MTUS2: variants seen among roughly 807,000 people sequenced by gnomAD.
MTUS2 encodes microtubule-associated tumor suppressor candidate 2.
A neutral mutation model predicts 114.1 loss-of-function variants in MTUS2; 40 were observed. The observed-to-expected ratio is 0.35, with a 90% CI of 0.27 to 0.46. The LOEUF is 0.46. Among genes scored for constraint, MTUS2 ranks in the 20% least tolerant of loss-of-function variants. MTUS2 has a pLI of 1.00. For synonymous variants in MTUS2, 688 were observed against 672.0 expected (o/e 1.02, Z -0.37); for missense variants, 1,679 against 1,705.4 (o/e 0.98, Z 0.27).
chr13:29,148,819 A>G (rs1195346789), intron 5 of MTUS2, among the ~76,000 whole-genome samples: 1 of 151,632 alleles, frequency 6.6e-6, no homozygotes, highest in African/African-American at 2.4e-5. Context: ...TGCTGAGGAT[A>G]ATGGCTTCTA....
intron 2 of MTUS2, among the ~76,000 whole-genome samples, chr13:28,954,560 A>G (rs1235274681): frequency 6.6e-6 from 1 of 151,770 alleles, no homozygotes; most frequent in Non-Finnish European, 1.5e-5. Flanking sequence ...CCATATGGGG[A>G]GTGGGTGTGG....
At chr13:28,952,767 C>T (rs1295074288) in intron 2 of MTUS2, among the ~76,000 whole-genome samples, 7 of 152,224 alleles carry the variant, frequency 4.6e-5, no homozygotes, top group Non-Finnish European at 7.3e-5. Flanking sequence ...CTCAACTGGC[C>T]ATAGCTCACA....
intron 2 of MTUS2, among the ~76,000 whole-genome samples, chr13:28,942,300 C>T (rs1175063411): frequency 6.6e-6 from 1 of 151,932 alleles, no homozygotes; most frequent in Admixed American, 6.6e-5. Context: ...TGCCACTCCC[C>T]AAGAATTACT....
At chr13:28,871,250 T>A (rs893351210) in intron 2 of MTUS2, among the ~76,000 whole-genome samples, 47 of 152,212 alleles carry the variant, frequency 3.1e-4, no homozygotes, top group African/African-American at 1.1e-3. Context: ...CCACAAGCCC[T>A]TCTATCTCCT....
intron 8 of MTUS2, among the ~76,000 whole-genome samples, chr13:29,398,243 C>G (rs1874055934): frequency 6.6e-6 from 1 of 152,102 alleles, no homozygotes; most frequent in Non-Finnish European, 1.5e-5. Context: ...GGTGGACCAC[C>G]TGAGGTCAGG....
intron 7 of MTUS2, among the ~76,000 whole-genome samples, chr13:29,334,848 A>G (rs1207795916): frequency 4.6e-5 from 7 of 152,172 alleles, no homozygotes; most frequent in Non-Finnish European, 7.3e-5. Flanking sequence ...CACTTCCCCA[A>G]TCAATACTCT....
chr13:28,821,886 T>G (rs979553166), intron 1 of MTUS2, among the ~76,000 whole-genome samples: 4 of 152,210 alleles, frequency 2.6e-5, no homozygotes, highest in Non-Finnish European at 5.9e-5. Context: ...GTGTTTTGTC[T>G]AAATGCTCTT....
chr13:29,039,472 T>G (rs1468057950), intron 4 of MTUS2, among the ~76,000 whole-genome samples: 1 of 152,172 alleles, frequency 6.6e-6, no homozygotes, highest in African/African-American at 2.4e-5. Flanking sequence ...AGGGCGCAGC[T>G]GCAGCGGGGG....
intron 5 of MTUS2, among the ~76,000 whole-genome samples, chr13:29,245,476 C>G (rs1896886694): frequency 6.6e-6 from 1 of 152,166 alleles, no homozygotes; most frequent in Non-Finnish European, 1.5e-5. Flanking sequence ...TAAACAGCAA[C>G]TGCACTGGAT....
chr13:29,431,629 A>G (rs1876994778), intron 8 of MTUS2, among the ~76,000 whole-genome samples: 1 of 152,212 alleles, frequency 6.6e-6, no homozygotes, highest in African/African-American at 2.4e-5. Context: ...GTGGAACATG[A>G]ATTACCCTTT....
At chr13:29,240,597 A>T (rs1394873467) in intron 5 of MTUS2, among the ~76,000 whole-genome samples, 1 of 152,242 alleles carries the variant, frequency 6.6e-6, no homozygotes, top group Non-Finnish European at 1.5e-5. Flanking sequence ...TAAGATAAAA[A>T]ATAAAGTATT....
chr13:29,119,129 A>G (rs1891205609), intron 5 of MTUS2, among the ~76,000 whole-genome samples: 1 of 152,242 alleles, frequency 6.6e-6, no homozygotes, highest in African/African-American at 2.4e-5. Context: ...AGAGCTATAT[A>G]TCTAAAACAT....
intron 9 of MTUS2, among the ~76,000 whole-genome samples, chr13:29,444,281 T>C (rs113214936): frequency 2.0e-5 from 3 of 151,944 alleles, no homozygotes; most frequent in Non-Finnish European, 2.9e-5. Flanking sequence ...AATTAAAAAT[T>C]AGCTAGGTGT....
chr13:29,286,385 G>T (rs889693705), intron 6 of MTUS2, among the ~76,000 whole-genome samples: 4 of 152,134 alleles, frequency 2.6e-5, no homozygotes, highest in African/African-American at 9.7e-5. Context: ...AACAACACTG[G>T]CCACACGTAG....
At chr13:29,298,159 C>T (rs1222795200) in intron 6 of MTUS2, among the ~76,000 whole-genome samples, 1 of 152,124 alleles carries the variant, frequency 6.6e-6, no homozygotes, top group African/African-American at 2.4e-5. Context: ...AAGATGAATT[C>T]TTGTCAATAT....
intron 5 of MTUS2, among the ~76,000 whole-genome samples, chr13:29,183,275 T>G (rs1894082600): frequency 1.5e-5 from 2 of 135,558 alleles, no homozygotes; most frequent in Admixed American, 7.3e-5. Context: ...AGAGAGAGAG[T>G]CAAGGAAGTC....
At chr13:29,323,374 C>T (rs544298632) in intron 6 of MTUS2, among the ~76,000 whole-genome samples, 15 of 152,102 alleles carry the variant, frequency 9.9e-5, no homozygotes, top group Admixed American at 5.9e-4. Context: ...CTCAGCCTCC[C>T]GTGTAGCTGG....
At chr13:29,437,963 A>AAAG (rs1171153609) in intron 8 of MTUS2, among the ~76,000 whole-genome samples, 3 of 143,166 alleles carry the variant, frequency 2.1e-5, no homozygotes, top group African/African-American at 7.7e-5. Flanking sequence ...AAAAAAAAAA[A>AAAG]GTATAAGACT....
intron 10 of MTUS2, chr13:29,485,142 A>G (rs1160678879): frequency 6.5e-6 from 1 of 152,796 alleles, no homozygotes; most frequent in East Asian, 1.9e-4. Flanking sequence ...GCCATAGGCC[A>G]TAATGGTCGA....
Sources: allele counts gnomAD v4.1 joint callset (sites outside exome capture counted in the v4.1 genomes callset), GRCh38; gene constraint gnomAD v4.1.1; transcripts MANE v1.5; gene names NCBI Gene and HGNC (gene_info 2026-07-23, HGNC 2026-07-21).